Variants in USH2A observed in about 807,000 individuals in gnomAD.
USH2A encodes usherin.
In USH2A, 443 loss-of-function variants were observed where a neutral mutation model predicts 538.9. That is an observed-to-expected ratio of 0.82 (90% confidence interval 0.76 to 0.89). The LOEUF is 0.89. Ranked by LOEUF, USH2A falls within the 40% of genes least tolerant of loss-of-function variation. The pLI is 0.00. For missense variants in USH2A, 6,633 were observed against 6,324.8 expected (o/e 1.05, Z -1.65); for synonymous variants, 2,413 against 2,273.5 (o/e 1.06, Z -1.75).
At chr1:216,216,691 A>T (rs1381470329) in intron 15 of USH2A, among the ~76,000 whole-genome samples, 1 of 152,146 alleles carries the variant, frequency 6.6e-6, no homozygotes, top group Non-Finnish European at 1.5e-5. Context: ...ATGAAATTGT[A>T]GAACTGCAGG....
intron 43 of USH2A, among the ~76,000 whole-genome samples, chr1:215,869,310 G>GATA (rs746138368): frequency 1.5e-4 from 23 of 152,010 alleles, no homozygotes; most frequent in Non-Finnish European, 2.8e-4. Context: ...TAATAGTGAT[G>GATA]ATAATAATAA....
At chr1:216,190,990 A>C (rs2102655885) in intron 19 of USH2A, among the ~76,000 whole-genome samples, 1 of 152,186 alleles carries the variant, frequency 6.6e-6, no homozygotes, top group East Asian at 1.9e-4. Context: ...TTATCATATA[A>C]TTTCAAATGA....
chr1:216,153,414 C>T (rs992764638), intron 21 of USH2A, among the ~76,000 whole-genome samples: 10 of 152,208 alleles, frequency 6.6e-5, no homozygotes, highest in Middle Eastern at 3.4e-3. Context: ...GAGTGCAAGG[C>T]GGTCAAGCAG....
rs572007831 is a variant in USH2A at position 216,042,814 on chromosome 1, G to A, written c.6325+3617C>T. The stretch of plus-strand genomic sequence containing the variant: ...CCATATCACTGATATAAAATCTGTG[G>A]TCGTAAGAGTGGGAACCTCATCCAA... On this transcript the variant is annotated intron_variant, in intron 32 of 71. Transcript: ENST00000307340. Among the ~76,000 whole-genome samples, 14 of 152,096 alleles carry A rather than the reference G, an allele frequency of 9.2e-5. No homozygotes were observed. The South Asian group carries it at 2.7e-3, about 29-fold the overall frequency.
intron 3 of USH2A, among the ~76,000 whole-genome samples, chr1:216,397,645 CTAGGTTCTT>C (rs1199804751): frequency 1.3e-5 from 2 of 152,218 alleles, no homozygotes; most frequent in Non-Finnish European, 2.9e-5. Context: ...ACATCAGACT[CTAGGTTCTT>C]TAGCCTTTGG....
intron 69 of USH2A, among the ~76,000 whole-genome samples, chr1:215,638,449 A>G (rs762664358): frequency 2.6e-5 from 4 of 151,794 alleles, no homozygotes; most frequent in Non-Finnish European, 4.4e-5. Flanking sequence ...GTGAAACCCC[A>G]TCTCTACTGT....
At chr1:215,639,420 T>C (rs372997402) in intron 68 of USH2A, among the ~76,000 whole-genome samples, 182 bp from the exon 69 acceptor site, 1 of 152,198 alleles carries the variant, frequency 6.6e-6, no homozygotes, top group African/African-American at 2.4e-5. Context: ...AAGCTATCAT[T>C]AGTGTAATAA....
At chr1:216,264,717 C>T (rs758093137) in intron 11 of USH2A, among the ~76,000 whole-genome samples, 28 of 152,230 alleles carry the variant, frequency 1.8e-4, no homozygotes, top group Admixed American at 1.8e-3. Context: ...GTAAAACAGA[C>T]ACAGAAACCA....
rs374824812 is a variant in USH2A at position 215,650,665 on chromosome 1, G to A, written c.14270C>T (p.Ala4757Val). Residue 4757 changes from alanine (A) to valine (V), a missense_variant, in exon 65 of 72, where the codon GCC becomes GTC. Transcript: ENST00000307340. ...GACGATCCCGTTGGGCTTCCCAGGG[G>A]CACTGATGTTGACCACTGCTTGGGT... ...SSTQAVVNISAPGKPNGIVSL... is the reference protein window; with the variant it reads ...SSTQAVVNISVPGKPNGIVSL... 3.1e-6 allele frequency: 5 copies of A among 1,613,976 alleles called. No individual in the cohort carries two copies. In the African/African-American group the frequency reaches 5.3e-5, roughly 17 times the overall value.
Position 216,138,089 on chromosome 1 carries a change from A to G in USH2A, c.4627+37163T>C, listed in dbSNP as rs534777994. ...TTTCTTATGAGATATGGAGAATGAT[A>G]TGATTGTATTGGAATTAGATTGTTA... On this transcript the variant is annotated intron_variant, in intron 21 of 71. Transcript: ENST00000307340. Among the ~76,000 whole-genome samples, 8 of 152,282 alleles carry G rather than the reference A, an allele frequency of 5.3e-5. No individual in the cohort carries two copies. In the East Asian group the frequency reaches 9.6e-4, roughly 18 times the overall value.
At chr1:215,736,819 G>T (rs1419561473) in intron 60 of USH2A, among the ~76,000 whole-genome samples, 1 of 151,958 alleles carries the variant, frequency 6.6e-6, no homozygotes, top group Non-Finnish European at 1.5e-5. Context: ...TGAGCTGACA[G>T]ATTTGGAAGA....
In USH2A at chr1:216,250,998, C is replaced by T; in HGVS notation, c.2072G>A (p.Cys691Tyr). 1 of 1,614,070 alleles carries T rather than the reference C, an allele frequency of 6.2e-7. No individual in the cohort carries two copies. The highest frequency in any genetic ancestry group is 2.2e-5 in the East Asian group (1 of 44,822). The change falls in exon 12 of 72, where the codon TGC becomes TAC. Residue 691 changes from cysteine to tyrosine, a missense_variant. Physicochemically the swap from Cys to Tyr is radical, Grantham distance 194 (BLOSUM62 -2). Coordinates refer to ENST00000307340, the MANE Select transcript of USH2A (RefSeq NM_206933.4). ...AGAGGTATTGCAGTTACAGGGACTG[C>T]AGCCATCAGGATCCAACTCTTGTAG... is the stretch of plus-strand genomic sequence containing the variant. Reference protein sequence around the residue: ...YNLQELDPDGCSPCNCNTSGT... With the variant: ...YNLQELDPDGYSPCNCNTSGT...
At chr1:216,075,392 A>G (rs532625129) in intron 27 of USH2A, among the ~76,000 whole-genome samples, 1 of 152,304 alleles carries the variant, frequency 6.6e-6, no homozygotes, top group South Asian at 2.1e-4. Context: ...CAAAAGGAGA[A>G]AGGGGATGTT....
At chr1:216,213,148 T>G (rs1477037639) in intron 15 of USH2A, among the ~76,000 whole-genome samples, 1 of 152,156 alleles carries the variant, frequency 6.6e-6, no homozygotes, top group Non-Finnish European at 1.5e-5. Flanking sequence ...TTCAAATTAT[T>G]CATTGCTGGC....
chr1:216,118,360 C>G (rs1399986933), intron 21 of USH2A, among the ~76,000 whole-genome samples: 2 of 152,096 alleles, frequency 1.3e-5, no homozygotes, highest in African/African-American at 4.8e-5. Flanking sequence ...ACTAGAGACA[C>G]CTTGAATACC....
At chr1:216,234,873 A>G (rs1261057465) in intron 13 of USH2A, among the ~76,000 whole-genome samples, 1 of 152,114 alleles carries the variant, frequency 6.6e-6, no homozygotes, top group Non-Finnish European at 1.5e-5. Flanking sequence ...GTACAAGCAG[A>G]GAAGAACTAA....
chr1:215,872,081 G>C (rs1024184445), intron 43 of USH2A, among the ~76,000 whole-genome samples: 2 of 152,158 alleles, frequency 1.3e-5, no homozygotes, highest in African/African-American at 4.8e-5. Context: ...TTATTTAGTT[G>C]CTTCTTCCAC....
intron 70 of USH2A, among the ~76,000 whole-genome samples, chr1:215,630,466 ATGTGTATGTGTG>A (rs1215816899): frequency 1.7e-4 from 19 of 114,632 alleles, no homozygotes; most frequent in African/African-American, 6.5e-4. Context: ...ATATATATGT[ATGTGTATGTGTG>A]TGTGTATATA....
In USH2A at chr1:216,118,337, C is replaced by G. The variant is rs532922395; in HGVS notation, c.4628-21124G>C. Among the ~76,000 whole-genome samples the G allele has an allele frequency of 3.9e-5, 6 of 152,222 alleles. 1 individual carries two copies. The highest frequency in any genetic ancestry group is 1.4e-4 in the African/African-American group (6 of 41,554). ...AGCACTATTTTTACCCATTACAAAA[C>G]ATAAAGCTTCTAACTAGAGACACCT... is the stretch of plus-strand genomic sequence containing the variant. On this transcript the variant is annotated intron_variant, in intron 21 of 71. Coordinates refer to ENST00000307340, the MANE Select transcript of USH2A (RefSeq NM_206933.4).
Sources: allele counts gnomAD v4.1 joint callset (sites outside exome capture counted in the v4.1 genomes callset), GRCh38; gene constraint gnomAD v4.1.1; transcripts MANE v1.5; gene names NCBI Gene and HGNC (gene_info 2026-07-23, HGNC 2026-07-21).